The following TRAPPC12 variants were observed in gnomAD, a reference collection of about 807,000 sequenced individuals.
The protein encoded by TRAPPC12 is TPR repeat protein 15.
In TRAPPC12, 61 loss-of-function variants were observed where a neutral mutation model predicts 69.2. The observed-to-expected ratio is 0.88, with a 90% CI of 0.72 to 1.09. TRAPPC12 has a LOEUF of 1.09. TRAPPC12 is among the 50% of genes least tolerant of loss of function. The pLI is 0.00. For missense variants in TRAPPC12, 1,101 were observed against 1,016.4 expected (o/e 1.08, Z -1.13); for synonymous variants, 469 against 438.9 (o/e 1.07, Z -0.86).
At chr2:3,445,392 A>G (rs1471685375) in intron 6 of TRAPPC12, among the ~76,000 whole-genome samples, 1 of 152,198 alleles carries the variant, frequency 6.6e-6, no homozygotes, top group Non-Finnish European at 1.5e-5. Flanking sequence ...CTCAAAAAAA[A>G]AGAAAAACTG....
chr2:3,455,966 C>A (rs1314463730), intron 6 of TRAPPC12: 1 of 152,178 alleles, frequency 6.6e-6, no homozygotes, highest in Non-Finnish European at 1.5e-5. Flanking sequence ...TGTACATTCC[C>A]ACCAACTGTG....
chr2:3,465,670 G>A lies in TRAPPC12; in HGVS notation c.1751G>A (p.Ser584Asn). Reference sequence around the variant, plus strand: ...CCAGAGCAAGAGCCCCAGCTGCTCAGCGGCATCGGCCGGATTTCCCTGCAG... The same window carrying A: ...CCAGAGCAAGAGCCCCAGCTGCTCAACGGCATCGGCCGGATTTCCCTGCAG... The part of the protein sequence containing the change: ...YYPEQEPQLL[S>N]GIGRISLQIG... The change falls in exon 9 of 12, where the codon AGC becomes AAC. Residue 584 changes from serine (S) to asparagine (N), a missense_variant. Ser to Asn is a conservative substitution (Grantham distance 46). Coordinates refer to ENST00000324266, the MANE Select transcript of TRAPPC12 (RefSeq NM_016030.6). 1 of 1,614,198 alleles carries A rather than the reference G, an allele frequency of 6.2e-7. No homozygotes were observed. The highest frequency in any genetic ancestry group is 1.6e-4 in the Middle Eastern group (1 of 6,062).
At chr2:3,417,397 A>T (rs10187625) in intron 3 of TRAPPC12, among the ~76,000 whole-genome samples, 1 of 151,778 alleles carries the variant, frequency 6.6e-6, no homozygotes, top group Non-Finnish European at 1.5e-5. Context: ...GACCACGTGC[A>T]GTCTTTAGAC....
rs550336205 is a variant in TRAPPC12 at position 3,398,867 on chromosome 2, T to A, written c.1048-2910T>A. Among the ~76,000 whole-genome samples the A allele has an allele frequency of 2.6e-5, 4 of 152,364 alleles. 1 individual carries two copies. The highest frequency in any genetic ancestry group is 7.2e-5 in the African/African-American group (3 of 41,594). On this transcript the variant is annotated intron_variant, in intron 2 of 11. Coordinates refer to ENST00000324266, the MANE Select transcript of TRAPPC12 (RefSeq NM_016030.6). The stretch of plus-strand genomic sequence containing the variant: ...TGCCCTGGATAAAGTAGACCCTCAC[T>A]GAATGGCTTGCTGGTCTGAAGGAAT...
In TRAPPC12 at chr2:3,479,446, C is replaced by T. The variant is rs1432846992; in HGVS notation, c.2193C>T (p.Cys731=). ...GKEGDSFNTQ[C]LKLA ...AGGGGGACAGCTTCAACACACAGTG[C>T]CTCAAGCTGGCCTAGCTGCCTCCAA... The change falls in exon 12 of 12, where the codon TGC becomes TGT. Residue 731 remains cysteine, a synonymous_variant. Coordinates refer to ENST00000324266, the MANE Select transcript of TRAPPC12 (RefSeq NM_016030.6). The T allele has an allele frequency of 1.4e-5, 23 of 1,613,786 alleles. No individual in the cohort carries two copies. The African/African-American group carries it at 2.9e-4, about 21-fold the overall frequency.
intron 6 of TRAPPC12, among the ~76,000 whole-genome samples, chr2:3,453,968 C>T (rs939341328): frequency 6.6e-6 from 1 of 152,228 alleles, no homozygotes; most frequent in Non-Finnish European, 1.5e-5. Context: ...CATGGATGCT[C>T]TTCTGCATCA....
In TRAPPC12 at chr2:3,479,485, A is replaced by G. The variant is rs1360833375; in HGVS notation, c.*24A>G. 12 of 1,611,260 alleles carry G rather than the reference A, an allele frequency of 7.4e-6. No homozygotes were observed. Among genetic ancestry groups the G allele is most frequent in the Non-Finnish European group, 1.7e-6 (2 of 1,178,568 alleles). ...AGCTGCCTCCAACACACTACGTCAGAAGGACCCGGGTCTTTGAAACTGTGT... is the reference window on the plus strand; with the variant it reads ...AGCTGCCTCCAACACACTACGTCAGGAGGACCCGGGTCTTTGAAACTGTGT... On this transcript the variant is annotated 3_prime_UTR_variant, in exon 12 of 12. Coordinates refer to ENST00000324266, the MANE Select transcript of TRAPPC12 (RefSeq NM_016030.6).
chr2:3,384,185 C>T (rs1164483445), intron 1 of TRAPPC12, among the ~76,000 whole-genome samples: 2 of 152,062 alleles, frequency 1.3e-5, no homozygotes, highest in South Asian at 2.1e-4. Flanking sequence ...CCTGAACCAC[C>T]GTGCCTGGCC....
Position 3,387,876 on chromosome 2 carries a change from C to T in TRAPPC12, c.253C>T (p.Leu85=), listed in dbSNP as rs768595507. The T allele has an allele frequency of 4.4e-6, 7 of 1,587,884 alleles. No homozygotes were observed. In the South Asian group the frequency reaches 4.5e-5, roughly 10 times the overall value. The change falls in exon 2 of 12, where the codon CTG becomes TTG. Residue 85 remains leucine (L), a synonymous_variant. Transcript: ENST00000324266. ...SPNSEGDAGD[L]GRVRDEAEPG... Reference sequence around the variant, plus strand: ...CAACAGCGAGGGCGACGCGGGCGACCTGGGCCGAGTGCGGGACGAAGCTGA... The same window carrying T: ...CAACAGCGAGGGCGACGCGGGCGACTTGGGCCGAGTGCGGGACGAAGCTGA...
chr2:3,421,988 A>T lies in TRAPPC12; in HGVS notation c.1272A>T (p.Ser424=), dbSNP rs199874684. Residue 424 remains serine, a synonymous_variant, in exon 4 of 12, where the codon TCA becomes TCT. Coordinates refer to ENST00000324266, the MANE Select transcript of TRAPPC12 (RefSeq NM_016030.6). ...SGLLTSHTTD[S]LQLWFVRLAL... ...TGCTCACCAGCCACACGACAGATTC[A>T]CTGCAGGTGAGAACACCTTTCAGGT... 1 of 1,611,632 alleles carries T rather than the reference A, an allele frequency of 6.2e-7. No individual in the cohort carries two copies. Among genetic ancestry groups the T allele is most frequent in the South Asian group, 1.1e-5 (1 of 90,514 alleles).
At chr2:3,439,320 G>A (rs996861697) in intron 5 of TRAPPC12, among the ~76,000 whole-genome samples, 12 of 152,166 alleles carry the variant, frequency 7.9e-5, no homozygotes, top group African/African-American at 2.7e-4. Flanking sequence ...TGGAGACAGA[G>A]TCTCACTTTG....
chr2:3,448,650 GGAGA>G lies in TRAPPC12; in HGVS notation c.1530+4761_1530+4764del, dbSNP rs1558391120. On this transcript the variant is annotated intron_variant, in intron 6 of 11. Coordinates refer to ENST00000324266, the MANE Select transcript of TRAPPC12 (RefSeq NM_016030.6). ...AGCCGGTTACGCGAGGGTAGGGCGTGGAGAGCAGCCGGTTACGCGAGGGTAGGGC... is the reference window on the plus strand; with the variant it reads ...AGCCGGTTACGCGAGGGTAGGGCGTGGCAGCCGGTTACGCGAGGGTAGGGC... Among the ~76,000 whole-genome samples the G allele has an allele frequency of 1.9e-4, 24 of 125,528 alleles. No homozygotes were observed. In the East Asian group the frequency reaches 2.3e-3, roughly 12 times the overall value. 82.4% of individuals were successfully genotyped at this position (125,528 alleles called of 152,430 possible).
intron 9 of TRAPPC12, among the ~76,000 whole-genome samples, chr2:3,466,645 C>T (rs4352260): frequency 0.29 from 44,284 of 151,980 alleles, 6,689 homozygotes; most frequent in East Asian, 0.36. Flanking sequence ...CACACACCAT[C>T]TCCTGCACGC....
intron 3 of TRAPPC12, among the ~76,000 whole-genome samples, chr2:3,412,947 A>G (rs1024729099): frequency 2.0e-5 from 3 of 152,202 alleles, no homozygotes; most frequent in African/African-American, 7.2e-5. Context: ...TTGTATTACC[A>G]CAAAAGTAAG....
intron 5 of TRAPPC12, among the ~76,000 whole-genome samples, chr2:3,434,678 GT>G (rs1250757369): frequency 1.3e-5 from 2 of 152,234 alleles, no homozygotes; most frequent in African/African-American, 4.8e-5. Context: ...AGAGAGGATT[GT>G]TTGGGGGATG....
chr2:3,421,219 G>A (rs1662764003), intron 3 of TRAPPC12, among the ~76,000 whole-genome samples: 1 of 152,180 alleles, frequency 6.6e-6, no homozygotes, highest in African/African-American at 2.4e-5. Context: ...TGTCCTTTCT[G>A]TATTGCACAA....
intron 5 of TRAPPC12, among the ~76,000 whole-genome samples, chr2:3,443,328 T>C (rs1308004474): frequency 6.6e-6 from 1 of 152,256 alleles, no homozygotes; most frequent in Non-Finnish European, 1.5e-5. Flanking sequence ...CCGGGAGCAC[T>C]TCCGGAACCA....
Position 3,414,359 on chromosome 2 carries a change from CA to C in TRAPPC12, c.1165-7521del. ...CACTTCGTCGTGTGATCCAGATAAG[CA>C]TGGCAGTGGGGTCCTGGCAGCAGTC... On this transcript the variant is annotated intron_variant, in intron 3 of 11. Coordinates refer to ENST00000324266, the MANE Select transcript of TRAPPC12 (RefSeq NM_016030.6). The surrounding 1 kb of genome is among the most constrained non-coding windows in gnomAD (Gnocchi z 4.9). 6.6e-6 allele frequency among the ~76,000 whole-genome samples: 1 copy of C among 152,156 alleles called. No individual in the cohort carries two copies. Among genetic ancestry groups the C allele is most frequent in the East Asian group, 1.9e-4 (1 of 5,196 alleles).
chr2:3,427,402 C>G (rs1301174904), intron 5 of TRAPPC12, among the ~76,000 whole-genome samples: 1 of 152,196 alleles, frequency 6.6e-6, no homozygotes, highest in East Asian at 1.9e-4. Flanking sequence ...AGCACCCAGG[C>G]CTTAATCGAA....
Sources: allele counts gnomAD v4.1 joint callset (sites outside exome capture counted in the v4.1 genomes callset), GRCh38; gene constraint gnomAD v4.1.1; non-coding constraint Gnocchi (gnomAD v3.1); transcripts MANE v1.5; gene names NCBI Gene and HGNC (gene_info 2026-07-23, HGNC 2026-07-21).